RIC8B: variants seen among roughly 807,000 people sequenced by gnomAD.
The protein encoded by RIC8B is RIC8 guanine nucleotide exchange factor B.
RIC8B carries 16 observed loss-of-function variants against 57.5 expected under a neutral mutation model. The ratio of observed to expected loss-of-function variants is 0.28; its 90% confidence interval spans 0.19 to 0.42. The LOEUF (loss-of-function observed/expected upper bound fraction) is 0.42. Among genes scored for constraint, RIC8B ranks in the 10% least tolerant of loss-of-function variants. RIC8B has a pLI of 1.00. For synonymous variants in RIC8B, 216 were observed against 250.8 expected, an observed-to-expected ratio of 0.86 and a Z score of 1.31; for missense variants, 481 against 677.0, an observed-to-expected ratio of 0.71 and a Z score of 3.21.
intron 5 of RIC8B, 125 bp from the exon 6 acceptor site, chr12:106,843,723 CAAAA>C (rs11384376): frequency 0.017 from 4,415 of 253,174 alleles, no homozygotes; most frequent in South Asian, 0.026. Context: ...CTCCCTCTCC[CAAAA>C]AAAAAAAAAA....
chr12:106,829,622 G>GT lies in RIC8B; in HGVS notation c.836+3810dup, dbSNP rs977797059. Among the ~76,000 whole-genome samples, 13 of 151,676 alleles carry GT rather than the reference G, an allele frequency of 8.6e-5. 1 individual carries two copies. The highest frequency in any genetic ancestry group is 2.9e-4 in the African/African-American group (12 of 41,296). On this transcript the variant is annotated intron_variant, in intron 4 of 9. Coordinates refer to ENST00000392837, the MANE Select transcript of RIC8B (RefSeq NM_001330145.2). Reference sequence around the variant, plus strand: ...AACATGGCAGTCTTTTTTTCTTTCAGTTTTTTTTATAGTGGTAAAATACAG... The same window carrying GT: ...AACATGGCAGTCTTTTTTTCTTTCAGTTTTTTTTTATAGTGGTAAAATACAG...
intron 7 of RIC8B, among the ~76,000 whole-genome samples, chr12:106,853,258 C>T (rs186410830): frequency 6.1e-4 from 93 of 151,590 alleles, no homozygotes; most frequent in South Asian, 1.0e-3. Context: ...AATCACATTA[C>T]CGATGAGTAT....
At chr12:106,842,110 A>C (rs1310813226) in intron 4 of RIC8B, among the ~76,000 whole-genome samples, 1 of 152,238 alleles carries the variant, frequency 6.6e-6, no homozygotes, top group Non-Finnish European at 1.5e-5. Context: ...AGAAAGAATA[A>C]AACTTAATTC....
chr12:106,823,049 A>G (rs1278510597), intron 3 of RIC8B: 1 of 155,206 alleles, frequency 6.4e-6, no homozygotes, highest in Non-Finnish European at 1.4e-5. Context: ...TCATTTTGTC[A>G]AAATTTAGCT....
intron 1 of RIC8B, among the ~76,000 whole-genome samples, chr12:106,779,727 A>G (rs1232437252): frequency 1.3e-5 from 2 of 150,240 alleles, no homozygotes; most frequent in Non-Finnish European, 3.0e-5. Flanking sequence ...TGTTGGTTGA[A>G]TCCACAGATA....
intron 1 of RIC8B, among the ~76,000 whole-genome samples, chr12:106,779,441 G>A (rs993847192): frequency 6.6e-6 from 1 of 151,246 alleles, no homozygotes; most frequent in African/African-American, 2.4e-5. Flanking sequence ...CATGTTGGCC[G>A]GGCTGGTCAT....
At chr12:106,806,073 C>T (rs954922110) in intron 2 of RIC8B, among the ~76,000 whole-genome samples, 1 of 152,188 alleles carries the variant, frequency 6.6e-6, no homozygotes. Flanking sequence ...CCTCAGCCTC[C>T]CAAGTAACTG....
intron 8 of RIC8B, among the ~76,000 whole-genome samples, chr12:106,869,050 C>G (rs1354024295): frequency 2.0e-5 from 3 of 151,922 alleles, no homozygotes; most frequent in African/African-American, 7.3e-5. Flanking sequence ...ACTCTACGCC[C>G]CTATCTACTT....
intron 6 of RIC8B, among the ~76,000 whole-genome samples, chr12:106,850,664 G>T (rs1949430275): frequency 6.6e-6 from 1 of 152,104 alleles, no homozygotes; most frequent in African/African-American, 2.4e-5. Flanking sequence ...TTACTGTGAG[G>T]ATTATAAATA....
At chr12:106,884,063 T>C (rs545527211) in intron 9 of RIC8B, among the ~76,000 whole-genome samples, 18 of 152,276 alleles carry the variant, frequency 1.2e-4, no homozygotes, top group Admixed American at 3.3e-4. Context: ...CTTTACAGTC[T>C]CTTTTATCTG....
intron 4 of RIC8B, among the ~76,000 whole-genome samples, chr12:106,837,634 C>CTTTTTTTTTTTTTTT (rs1298629651): frequency 8.2e-6 from 1 of 122,164 alleles, no homozygotes. Context: ...ATCTGAAAAT[C>CTTTTTTTTTTTTTTT]TTTTGTTTTT....
chr12:106,853,560 C>T (rs1281279811), intron 7 of RIC8B, among the ~76,000 whole-genome samples: 1 of 148,884 alleles, frequency 6.7e-6, no homozygotes, highest in Admixed American at 6.7e-5. Flanking sequence ...CCTCCGCCTC[C>T]CAGGTTGAAG....
chr12:106,814,984 G>T lies in RIC8B; in HGVS notation c.421G>T (p.Ala141Ser). The T allele has an allele frequency of 6.2e-7, 1 of 1,614,216 alleles. No individual in the cohort carries two copies. The highest frequency in any genetic ancestry group is 8.5e-7 in the Non-Finnish European group (1 of 1,180,036). Residue 141 changes from alanine (A) to serine (S), a missense_variant, in exon 3 of 10, where the codon GCT becomes TCT. Around this residue, in one of 3 missense-constraint regions of RIC8B, gnomAD observed 421 missense variants for 560.9 expected, o/e 0.75. Transcript: ENST00000392837. Reference protein sequence around the residue: ...AQQLSLELNLAAKLCNLLRKC... With the variant: ...AQQLSLELNLSAKLCNLLRKC... ...GCAGCTCAGCCTGGAACTTAATCTTGCTGCAAAGCTCTGTAACCTCCTGAG... is the reference window on the plus strand; with the variant it reads ...GCAGCTCAGCCTGGAACTTAATCTTTCTGCAAAGCTCTGTAACCTCCTGAG...
chr12:106,883,765 T>C (rs1320979648), intron 9 of RIC8B, among the ~76,000 whole-genome samples: 1 of 152,118 alleles, frequency 6.6e-6, no homozygotes, highest in East Asian at 1.9e-4. Flanking sequence ...GTGTCTATCA[T>C]GCTGCTGCCA....
intron 2 of RIC8B, among the ~76,000 whole-genome samples, chr12:106,797,131 A>T (rs1181158419): frequency 6.6e-6 from 1 of 152,208 alleles, no homozygotes; most frequent in South Asian, 2.1e-4. Context: ...AATAATTACC[A>T]TATGACCCAG....
At chr12:106,783,828 C>T (rs1368946290) in intron 1 of RIC8B, among the ~76,000 whole-genome samples, 169 bp from the exon 2 acceptor site, 1 of 152,100 alleles carries the variant, frequency 6.6e-6, no homozygotes, top group Non-Finnish European at 1.5e-5. Context: ...TTTCACACTG[C>T]TTTATAACTA....
chr12:106,860,441 C>A, intron 8 of RIC8B, 29 bp downstream of exon 8: 1 of 1,469,998 alleles, frequency 6.8e-7, no homozygotes, highest in South Asian at 1.4e-5. Context: ...TTTCACCTAA[C>A]TATGGCTGTG....
At position 106,795,541 on chromosome 12, in the gene RIC8B, G is replaced by A. The variant is rs142036233; in HGVS notation, c.132+11497G>A. Among the ~76,000 whole-genome samples the A allele has an allele frequency of 1.4e-3, 217 of 152,262 alleles. 1 individual carries two copies. The highest frequency in any genetic ancestry group is 2.6e-3 in the Non-Finnish European group (174 of 68,006). On this transcript the variant is annotated intron_variant, in intron 2 of 9. Coordinates refer to ENST00000392837, the MANE Select transcript of RIC8B (RefSeq NM_001330145.2). ...CGATCAGGTATGATGTTTACATAGC[G>A]TGGGGAGGGCTGGCCGCCCCAACCT...
At chr12:106,840,719 A>G (rs1304081967) in intron 4 of RIC8B, among the ~76,000 whole-genome samples, 1 of 152,218 alleles carries the variant, frequency 6.6e-6, no homozygotes, top group East Asian at 1.9e-4. Context: ...ATCAAACTCT[A>G]CATTTGGTTT....
Sources: allele counts gnomAD v4.1 joint callset (sites outside exome capture counted in the v4.1 genomes callset), GRCh38; gene constraint gnomAD v4.1.1; regional missense constraint gnomAD v4.1.1; transcripts MANE v1.5; gene names NCBI Gene and HGNC (gene_info 2026-07-23, HGNC 2026-07-21).